Variants in SRA1 observed in about 807,000 individuals in gnomAD.
SRA1 encodes steroid receptor RNA activator 1, also known as lncRNA SRA.
SRA1 carries 25 observed loss-of-function variants against 24.3 expected under a neutral mutation model. That is an observed-to-expected ratio of 1.03 (90% CI 0.75 to 1.43). SRA1 has a LOEUF of 1.43. SRA1 is among the 40% of genes most tolerant of loss of function. SRA1 has a pLI of 0.00. For synonymous variants in SRA1, 104 were observed against 109.5 expected, an observed-to-expected ratio of 0.95 and a Z score of 0.31; for missense variants, 303 against 286.6, an observed-to-expected ratio of 1.06 and a Z score of -0.41.
At chr5:140,557,590 C>G (rs1754765492), upstream of SRA1, 15 of 1,018,474 alleles carry the variant, frequency 1.5e-5, no homozygotes, top group Non-Finnish European at 2.1e-5. Flanking sequence ...CCGTCGGGAG[C>G]CGCTGTGGGG....
In SRA1 at chr5:140,550,868, G is replaced by C; in HGVS notation, c.507C>G (p.Arg169=). The part of the protein sequence containing the change: ...HRWDAADDIH[R]SLMVDHVTEV... ...CAGTCACATGGTCAACCATGAGGGA[G>C]CGGTGGATGTCATCTGCTGCGTCCC... is the stretch of plus-strand genomic sequence containing the variant. Residue 169 remains arginine, a synonymous_variant, in exon 5 of 5, where the codon CGC becomes CGG. Transcript: ENST00000336283. 6.2e-7 allele frequency: 1 copy of C among 1,614,144 alleles called. No homozygotes were observed. The highest frequency in any genetic ancestry group is 1.3e-5 in the African/African-American group (1 of 75,032).
rs767505589 is a variant in SRA1, at chr5:140,550,896, C to T, written c.479G>A (p.Arg160Gln). ...ALLVQELSSHRWDAADDIHRS... is the reference protein window; with the variant it reads ...ALLVQELSSHQWDAADDIHRS... ...GTGGATGTCATCTGCTGCGTCCCAC[C>T]GGTGGCTTGAAAGCTCTGAAGAGAG... Residue 160 changes from arginine to glutamine, a missense_variant, in exon 5 of 5, where the codon CGG (arginine) becomes CAG (glutamine). By Grantham distance (43) the Arg-to-Gln change is conservative. Coordinates refer to ENST00000336283, the MANE Select transcript of SRA1 (RefSeq NM_001035235.4). 7.4e-6 allele frequency: 12 copies of T among 1,613,996 alleles called. No homozygotes were observed. The highest frequency in any genetic ancestry group is 1.0e-5 in the Non-Finnish European group (12 of 1,180,022).
Position 140,557,473 on chromosome 5 carries a change from C to G in SRA1, c.-21G>C. 1 of 1,550,838 alleles carries G rather than the reference C, an allele frequency of 6.4e-7. No individual in the cohort carries two copies. Among genetic ancestry groups the G allele is most frequent in the South Asian group, 1.2e-5 (1 of 85,110 alleles). ...GCCATCTCCACTTCCGCTTGGCCAG[C>G]GGGGCAGCGCGTCATTTCCGGGGCG... On this transcript the variant is annotated 5_prime_UTR_variant, in exon 1 of 5. Transcript: ENST00000336283.
rs754245638 is a variant in SRA1, at chr5:140,557,172, G to C, written c.126C>G (p.Ala42=). 1.7e-5 allele frequency: 27 copies of C among 1,612,520 alleles called. No homozygotes were observed. Among genetic ancestry groups the C allele is most frequent in the Non-Finnish European group, 2.3e-5 (27 of 1,179,778 alleles). The change falls in exon 2 of 5, where the codon GCC becomes GCG. Residue 42 remains alanine (A), a synonymous_variant. Transcript: ENST00000336283. ...PRRSLLTKRV[A]APQDGSPRVP... is the part of the protein sequence containing the mutation. ...CTCTGGGGGATCCATCCTGGGGTGC[G>C]GCGACCCTCTTGGTAAGCAGCGAGC...
chr5:140,554,208 G>C (rs1377892597), intron 2 of SRA1, among the ~76,000 whole-genome samples: 2 of 151,880 alleles, frequency 1.3e-5, no homozygotes, highest in African/African-American at 4.8e-5. Context: ...TCCTCCCATT[G>C]TCCCACTTTC....
rs1581395415 is a variant in SRA1 at position 140,550,241 on chromosome 5, G to C, written c.*459C>G. On this transcript the variant is annotated 3_prime_UTR_variant, in exon 5 of 5. Coordinates refer to ENST00000336283, the MANE Select transcript of SRA1 (RefSeq NM_001035235.4). ...AGGACTGTCTTTCCTTTTGTTGAGG[G>C]AAAAGTCTCCCCGTTCTATTTGAGT... The C allele has an allele frequency of 1.0e-5, 2 of 190,492 alleles. No individual in the cohort carries two copies. Among genetic ancestry groups the C allele is most frequent in the African/African-American group, 4.7e-5 (2 of 42,546 alleles). The allele number at this position is 190,492 out of a possible 1,614,324, so 11.8% of individuals were successfully genotyped here. A position where few individuals can be genotyped will look rare whatever the true frequency, so the allele number is the denominator to read the frequency against.
At position 140,557,416 on chromosome 5, in the gene SRA1, G is replaced by A. The variant is rs764850407; in HGVS notation, c.25+12C>T. 8 of 1,580,818 alleles carry A rather than the reference G, an allele frequency of 5.1e-6. 1 individual carries two copies. Among genetic ancestry groups the A allele is most frequent in the South Asian group, 4.5e-5 (4 of 88,730 alleles). ...CGACAACCTAGTGCCCTAGCCCGCC[G>A]GCTGCGCTCACCCGGCTTCACGTAC... On this transcript the variant is annotated intron_variant, in intron 1 of 4. Coordinates refer to ENST00000336283, the MANE Select transcript of SRA1 (RefSeq NM_001035235.4).
chr5:140,550,541 G>C lies in SRA1; in HGVS notation c.*159C>G, dbSNP rs903775960. 7.4e-6 allele frequency: 5 copies of C among 677,396 alleles called. No individual in the cohort carries two copies. The East Asian group carries it at 1.3e-4, about 17-fold the overall frequency. 42.0% of individuals were successfully genotyped at this position (677,396 alleles called of 1,614,324 possible). On this transcript the variant is annotated 3_prime_UTR_variant, in exon 5 of 5. Coordinates refer to ENST00000336283, the MANE Select transcript of SRA1 (RefSeq NM_001035235.4). ...ATGTTTTTATTGAAATGCATGTTAT[G>C]AGTAACACATGAACTCCCTCTGGCC... is the stretch of plus-strand genomic sequence containing the variant.
At chr5:140,552,422 G>A (rs1475714187) in intron 2 of SRA1, among the ~76,000 whole-genome samples, 1 of 152,194 alleles carries the variant, frequency 6.6e-6, no homozygotes, top group East Asian at 1.9e-4. Context: ...GGAGGCTGAG[G>A]CAGACAGATC....
chr5:140,552,123 CT>C lies in SRA1; in HGVS notation c.212del (p.Lys71ArgfsTer28), dbSNP rs768010904. ...PPMGPPPPSS[K>X]APRSPPVGSG... The stretch of plus-strand genomic sequence containing the variant: ...TCCCCACAGGTGGGGACCTGGGAGC[CT>C]TACTTGAAGGAGGTGGAGGCCCCAT... On this transcript the variant is annotated frameshift_variant, in exon 3 of 5. Coordinates refer to ENST00000336283, the MANE Select transcript of SRA1 (RefSeq NM_001035235.4). LOFTEE classifies it high-confidence loss of function. 6.2e-7 allele frequency: 1 copy of C among 1,612,812 alleles called. No individual in the cohort carries two copies.
chr5:140,556,800 G>C (rs1380839226), intron 2 of SRA1, among the ~76,000 whole-genome samples: 1 of 151,970 alleles, frequency 6.6e-6, no homozygotes, highest in Non-Finnish European at 1.5e-5. Context: ...ATATACCTAA[G>C]TGAAGACAGA....
At chr5:140,551,287 G>A in intron 3 of SRA1, 118 bp from the exon 4 acceptor site, 1 of 714,950 alleles carries the variant, frequency 1.4e-6, no homozygotes, top group East Asian at 2.7e-5. Flanking sequence ...TAGAATTCTG[G>A]TTCTTTACCC....
rs144469937 is a variant in SRA1, at chr5:140,550,698, G to T, written c.*2C>A. On this transcript the variant is annotated 3_prime_UTR_variant, in exon 5 of 5. Transcript: ENST00000336283. The stretch of plus-strand genomic sequence containing the variant: ...TGTCCGGTGAGTCTGGGGAACCGAG[G>T]ATTATGAAGCCTGCTGGAAGCCTGG... 3.9e-5 allele frequency: 63 copies of T among 1,613,888 alleles called. No individual in the cohort carries two copies. The highest frequency in any genetic ancestry group is 5.0e-5 in the Non-Finnish European group (59 of 1,179,962).
chr5:140,555,788 G>T lies in SRA1; in HGVS notation c.151+1359C>A, dbSNP rs1754678949. ...ACCATCCCCAGTCTTCCTATATCAAGCAAAAAAATTCAGTTATATGGATTC... is the reference window on the plus strand; with the variant it reads ...ACCATCCCCAGTCTTCCTATATCAATCAAAAAAATTCAGTTATATGGATTC... On this transcript the variant is annotated intron_variant, in intron 2 of 4. Coordinates refer to ENST00000336283, the MANE Select transcript of SRA1 (RefSeq NM_001035235.4). Among the ~76,000 whole-genome samples the T allele has an allele frequency of 2.0e-5, 3 of 147,348 alleles. No individual in the cohort carries two copies. The South Asian group carries it at 6.4e-4, about 31-fold the overall frequency.
chr5:140,556,302 A>G (rs947138290), intron 2 of SRA1, among the ~76,000 whole-genome samples: 1 of 152,104 alleles, frequency 6.6e-6, no homozygotes, highest in Non-Finnish European at 1.5e-5. Flanking sequence ...GGCACAGCCC[A>G]TTTAATGGCT....
In SRA1 at chr5:140,552,121, G is replaced by A. The variant is rs751089198; in HGVS notation, c.215C>T (p.Ala72Val). 6.2e-6 allele frequency: 10 copies of A among 1,612,952 alleles called. No homozygotes were observed. Among genetic ancestry groups the A allele is most frequent in the East Asian group, 2.2e-5 (1 of 44,836 alleles). Residue 72 changes from alanine to valine, a missense_variant, in exon 3 of 5, where the codon GCT becomes GTT. Ala to Val is a moderately conservative substitution (Grantham distance 64, BLOSUM62 0). Coordinates refer to ENST00000336283, the MANE Select transcript of SRA1 (RefSeq NM_001035235.4). The stretch of plus-strand genomic sequence containing the variant: ...ACTCCCCACAGGTGGGGACCTGGGA[G>A]CCTTACTTGAAGGAGGTGGAGGCCC... ...PMGPPPPSSKAPRSPPVGSGP... is the reference protein window; with the variant it reads ...PMGPPPPSSKVPRSPPVGSGP...
In SRA1 at chr5:140,557,453, C is replaced by G; in HGVS notation, c.-1G>C. ...CCGGCTTCACGTACAGCTCCGCCAT[C>G]TCCACTTCCGCTTGGCCAGCGGGGC... On this transcript the variant is annotated 5_prime_UTR_variant, in exon 1 of 5. Coordinates refer to ENST00000336283, the MANE Select transcript of SRA1 (RefSeq NM_001035235.4). 1 of 1,560,078 alleles carries G rather than the reference C, an allele frequency of 6.4e-7. No homozygotes were observed. The highest frequency in any genetic ancestry group is 8.7e-7 in the Non-Finnish European group (1 of 1,153,632).
chr5:140,552,082 CCAGAGGCAGGACCACTCCCCA>C lies in SRA1; in HGVS notation c.233_253del (p.Val78_Ser84del). 12 of 1,613,996 alleles carry C rather than the reference CCAGAGGCAGGACCACTCCCCA, an allele frequency of 7.4e-6. No homozygotes were observed. Among genetic ancestry groups the C allele is most frequent in the Non-Finnish European group, 1.0e-5 (12 of 1,179,952 alleles). On this transcript the variant is annotated inframe_deletion, in exon 3 of 5. Coordinates refer to ENST00000336283, the MANE Select transcript of SRA1 (RefSeq NM_001035235.4). ...GACTGGGAAACTTGTGGGCTCCACG[CCAGAGGCAGGACCACTCCCCA>C]CAGGTGGGGACCTGGGAGCCTTACT... is the stretch of plus-strand genomic sequence containing the variant.
rs1168461037 is a variant in SRA1 at position 140,557,201 on chromosome 5, T to C, written c.97A>G (p.Arg33Gly). The C allele has an allele frequency of 6.2e-7, 1 of 1,604,170 alleles. No homozygotes were observed. The change falls in exon 2 of 5, where the codon AGG becomes GGG. Residue 33 changes from arginine to glycine, a missense_variant. Physicochemically the swap from Arg to Gly is moderately radical, Grantham distance 125. Transcript: ENST00000336283. The part of the protein sequence containing the change: ...YGLQTQAGGP[R>G]RSLLTKRVAA... ...ACCCTCTTGGTAAGCAGCGAGCGCCTGGGTCCGCCGGCCTGGGTCTGCAGC... is the reference window on the plus strand; with the variant it reads ...ACCCTCTTGGTAAGCAGCGAGCGCCCGGGTCCGCCGGCCTGGGTCTGCAGC...
Sources: allele counts gnomAD v4.1 joint callset (sites outside exome capture counted in the v4.1 genomes callset), GRCh38; gene constraint gnomAD v4.1.1; transcripts MANE v1.5; gene names NCBI Gene and HGNC (gene_info 2026-07-23, HGNC 2026-07-21).